CCSER1: variants seen among roughly 807,000 people sequenced by gnomAD.
The protein encoded by CCSER1 is coiled-coil serine rich protein 1.
CCSER1 carries 41 observed loss-of-function variants against 82.0 expected under a neutral mutation model. The ratio of observed to expected loss-of-function variants is 0.50; its 90% CI spans 0.39 to 0.65. The LOEUF is 0.65. Among genes scored for constraint, CCSER1 ranks in the 30% least tolerant of loss-of-function variants. CCSER1 has a pLI of 0.00. For synonymous variants in CCSER1, 414 were observed against 383.9 expected, an observed-to-expected ratio of 1.08 and a Z score of -0.92; for missense variants, 1,119 against 1,064.2, an observed-to-expected ratio of 1.05 and a Z score of -0.72.
At chr4:90,719,474 A>G (rs1301752017) in intron 6 of CCSER1, among the ~76,000 whole-genome samples, 3 of 151,990 alleles carry the variant, frequency 2.0e-5, no homozygotes, top group Non-Finnish European at 4.4e-5. Flanking sequence ...TCCCCCTCCC[A>G]CTTTGTGGAA....
intron 10 of CCSER1, among the ~76,000 whole-genome samples, chr4:91,494,307 A>G (rs1407209663): frequency 2.0e-5 from 3 of 151,826 alleles, no homozygotes; most frequent in African/African-American, 7.2e-5. Context: ...GAATAGCAAA[A>G]TCACATTTTA....
At chr4:90,850,169 G>A (rs1380311419) in intron 8 of CCSER1, among the ~76,000 whole-genome samples, 1 of 152,190 alleles carries the variant, frequency 6.6e-6, no homozygotes, top group Non-Finnish European at 1.5e-5. Context: ...CAGGAGTCAA[G>A]AATTGAGGTT....
chr4:91,315,781 T>G (rs1340667019), intron 10 of CCSER1, among the ~76,000 whole-genome samples: 1 of 152,046 alleles, frequency 6.6e-6, no homozygotes, highest in Non-Finnish European at 1.5e-5. Flanking sequence ...ACAGTAGGCT[T>G]CATACCAGAC....
intron 10 of CCSER1, among the ~76,000 whole-genome samples, chr4:91,376,353 T>A (rs563697526): frequency 6.6e-6 from 1 of 152,312 alleles, no homozygotes; most frequent in South Asian, 2.1e-4. Flanking sequence ...TATGAACCTT[T>A]GAGCATGTGA....
chr4:90,144,571 A>G (rs1256658119), intron 1 of CCSER1, among the ~76,000 whole-genome samples: 1 of 152,206 alleles, frequency 6.6e-6, no homozygotes, highest in Non-Finnish European at 1.5e-5. Context: ...AGTGAGGGAA[A>G]AATGTGAAAA....
chr4:90,696,949 A>G lies in CCSER1; in HGVS notation c.1933-26965A>G, dbSNP rs543877594. On this transcript the variant is annotated intron_variant, in intron 6 of 10. Transcript: ENST00000509176. ...TACAGCTGGGAAAAAAATGAATAAG[A>G]ATGTGCTAGTTAAGGGCTGCACAGT... Among the ~76,000 whole-genome samples the G allele has an allele frequency of 3.3e-5, 5 of 152,260 alleles. No homozygotes were observed. In the East Asian group the frequency reaches 9.7e-4, roughly 29 times the overall value.
chr4:91,524,032 G>A (rs1029964145), intron 10 of CCSER1, among the ~76,000 whole-genome samples: 4 of 152,126 alleles, frequency 2.6e-5, no homozygotes, highest in Non-Finnish European at 5.9e-5. Context: ...TTTACAAACT[G>A]CCTTTTCATT....
intron 1 of CCSER1, among the ~76,000 whole-genome samples, chr4:90,162,478 T>G (rs1343838697): frequency 3.3e-5 from 5 of 152,098 alleles, no homozygotes; most frequent in Admixed American, 2.0e-4. Context: ...CTTATCCCAC[T>G]GTATGTAAAA....
intron 10 of CCSER1, among the ~76,000 whole-genome samples, chr4:91,288,229 A>T (rs1450421815): frequency 6.6e-6 from 1 of 151,236 alleles, no homozygotes; most frequent in Admixed American, 6.6e-5. Flanking sequence ...TTAGCGTAGG[A>T]TGTAGAAAGC....
intron 10 of CCSER1, among the ~76,000 whole-genome samples, chr4:91,354,004 A>G (rs760890447): frequency 6.6e-6 from 1 of 152,150 alleles, no homozygotes; most frequent in Non-Finnish European, 1.5e-5. Flanking sequence ...ATTTTTCACA[A>G]ACTCCTCCTT....
In CCSER1 at chr4:91,591,931, T is replaced by G. The variant is rs554587021; in HGVS notation, c.2218-6641T>G. 1.4e-3 allele frequency among the ~76,000 whole-genome samples: 218 copies of G among 152,262 alleles called. 1 individual carries two copies. Among genetic ancestry groups the G allele is most frequent in the African/African-American group, 5.0e-3 (207 of 41,570 alleles). On this transcript the variant is annotated intron_variant, in intron 10 of 10. Transcript: ENST00000509176. Reference sequence around the variant, plus strand: ...GCTGTAGATATAATGTCATATTGCTTTGGTGGTTTTGAAAGATCTGTTAAA... The same window carrying G: ...GCTGTAGATATAATGTCATATTGCTGTGGTGGTTTTGAAAGATCTGTTAAA...
chr4:91,186,221 A>T (rs1031910501), intron 10 of CCSER1, among the ~76,000 whole-genome samples: 5 of 152,084 alleles, frequency 3.3e-5, no homozygotes, highest in Non-Finnish European at 7.4e-5. Context: ...GGTAGGGATG[A>T]ACCTCTCCTT....
intron 10 of CCSER1, among the ~76,000 whole-genome samples, chr4:91,404,784 T>A (rs941128509): frequency 2.0e-5 from 3 of 152,208 alleles, no homozygotes; most frequent in Non-Finnish European, 2.9e-5. Flanking sequence ...TTCTGTTCTT[T>A]TACATTTGCT....
intron 1 of CCSER1, among the ~76,000 whole-genome samples, chr4:90,299,236 C>G (rs1732621255): frequency 6.6e-6 from 1 of 151,992 alleles, no homozygotes; most frequent in Non-Finnish European, 1.5e-5. Context: ...CCCTCTTTCT[C>G]TTTTTATCTG....
intron 10 of CCSER1, among the ~76,000 whole-genome samples, chr4:91,186,647 A>C (rs1248787192): frequency 1.3e-5 from 2 of 152,206 alleles, no homozygotes; most frequent in Admixed American, 1.3e-4. Context: ...AGCCCCAAAC[A>C]GAGATTTACC....
intron 1 of CCSER1, among the ~76,000 whole-genome samples, chr4:90,190,524 C>G (rs926330352): frequency 1.3e-5 from 2 of 152,084 alleles, no homozygotes; most frequent in Admixed American, 6.6e-5. Flanking sequence ...AAATATTCCT[C>G]CTCACATTTT....
chr4:90,861,693 ACT>A (rs1413417336), intron 8 of CCSER1, among the ~76,000 whole-genome samples: 1 of 151,746 alleles, frequency 6.6e-6, no homozygotes, highest in Admixed American at 6.6e-5. Context: ...AACTTAATTA[ACT>A]CAGAATATCC....
At chr4:90,581,105 A>G (rs1472839154) in intron 5 of CCSER1, among the ~76,000 whole-genome samples, 3 of 152,164 alleles carry the variant, frequency 2.0e-5, no homozygotes, top group African/African-American at 7.2e-5. Context: ...TTCAAATGGC[A>G]ACAAATAAGA....
chr4:91,431,867 C>T (rs999338672), intron 10 of CCSER1, among the ~76,000 whole-genome samples: 1 of 152,038 alleles, frequency 6.6e-6, no homozygotes, highest in African/African-American at 2.4e-5. Flanking sequence ...AATTAGTTCA[C>T]AGGTTTTTTT....
Sources: gnomAD v4.1 joint callset for allele counts (sites outside exome capture counted in the v4.1 genomes callset) on GRCh38, gnomAD v4.1.1 for gene constraint, MANE v1.5 for transcripts, NCBI Gene and HGNC (gene_info 2026-07-23, HGNC 2026-07-21) for gene names.